The following PGK1 variants were observed in gnomAD, a reference collection of about 807,000 sequenced individuals.
The protein encoded by PGK1 is phosphoglycerate kinase 1.
A neutral mutation model predicts 26.9 loss-of-function variants in PGK1; 3 were observed. The observed-to-expected ratio is 0.11, with a 90% confidence interval of 0.05 to 0.29. PGK1 has a LOEUF of 0.29. Ranked by LOEUF, PGK1 falls within the 10% of genes least tolerant of loss-of-function variation. The pLI, the probability that PGK1 is intolerant of heterozygous loss-of-function variation, is 1.00. For missense variants in PGK1, 270 were observed against 314.7 expected (o/e 0.86, Z 1.07); for synonymous variants, 125 against 115.3 (o/e 1.08, Z -0.54).
chrX:78,110,511 A>G (rs1001146354), intron 2 of PGK1, among the ~76,000 whole-genome samples: 2 of 109,458 alleles, frequency 1.8e-5, no homozygotes, highest in African/African-American at 6.6e-5. Flanking sequence ...GGTGGCTCAC[A>G]TCTGTAATCC....
chrX:78,106,726 G>GT (rs2078274309), intron 1 of PGK1: 1 of 523,814 alleles, frequency 1.9e-6, no homozygotes. Flanking sequence ...TTCCATCTTA[G>GT]TTTTTTAGGA....
chrX:78,104,897 C>A (rs1308866304), intron 1 of PGK1, among the ~76,000 whole-genome samples: 1 of 111,325 alleles, frequency 9.0e-6, no homozygotes, highest in Non-Finnish European at 1.9e-5. Flanking sequence ...GATTTAACTT[C>A]AGGAGTAGAC....
At chrX:78,115,483 C>G (rs1379188240) in intron 4 of PGK1, among the ~76,000 whole-genome samples, 1 of 111,059 alleles carries the variant, frequency 9.0e-6, no homozygotes, top group Admixed American at 9.6e-5. Context: ...TGGTGAAACC[C>G]TGTTTCTACT....
chrX:78,115,424 G>A (rs964834848), intron 4 of PGK1, among the ~76,000 whole-genome samples: 2 of 111,193 alleles, frequency 1.8e-5, no homozygotes, highest in Non-Finnish European at 3.8e-5. Context: ...TTGGGAGGCC[G>A]AGGTGGGTGG....
At chrX:78,121,703 CT>C (rs1288575965) in intron 6 of PGK1, among the ~76,000 whole-genome samples, 2 of 112,241 alleles carry the variant, frequency 1.8e-5, no homozygotes, top group East Asian at 2.8e-4. Context: ...TAGTTTGGAT[CT>C]TTTTTGTCTC....
At chrX:78,111,984 G>A (rs1394826725) in intron 2 of PGK1, among the ~76,000 whole-genome samples, 2 of 111,790 alleles carry the variant, frequency 1.8e-5, no homozygotes, top group African/African-American at 6.5e-5. Flanking sequence ...TTGATATAAA[G>A]GAGTTCTTAT....
At position 78,127,598 on chromosome X, in the gene PGK1, A is replaced by G. The variant is rs189149929; in HGVS notation, c.*1768A>G. ...GGTTCCAGTGGCTGATGCTTTTCCA[A>G]TGTGCCTCCGTCCCTGACATGATGC... On this transcript the variant is annotated 3_prime_UTR_variant, in exon 11 of 11. Transcript: ENST00000373316. 4.5e-5 allele frequency: 5 copies of G among 111,790 alleles called. No individual in the cohort carries two copies. The highest frequency in any genetic ancestry group is 1.6e-4 in the African/African-American group (5 of 30,765). 9.2% of individuals were successfully genotyped at this position (111,790 alleles called of 1,213,427 possible).
intron 9 of PGK1, 93 bp downstream of exon 9, chrX:78,125,144 A>T (rs782701299): frequency 8.5e-5 from 72 of 849,680 alleles, no homozygotes; most frequent in Non-Finnish European, 1.2e-4. Flanking sequence ...ATGTCTCTTT[A>T]TTCTGGGTAA....
chrX:78,118,242 A>G (rs2078335978), intron 6 of PGK1, 72 bp downstream of exon 6: 14 of 1,053,723 alleles, frequency 1.3e-5, no homozygotes, highest in Non-Finnish European at 1.9e-5. Context: ...TGGGTGGTTT[A>G]TTGTCATATA....
Position 78,106,008 on chromosome X carries a change from C to A in PGK1, c.65+1603C>A, listed in dbSNP as rs782697730. On this transcript the variant is annotated intron_variant, in intron 1 of 10. Transcript: ENST00000373316. The stretch of plus-strand genomic sequence containing the variant: ...CCAGATGCATGGACCAACTAACAGA[C>A]AAGGAGTGGGACATTATGCTGATAA... Among the ~76,000 whole-genome samples, 12 of 112,348 alleles carry A rather than the reference C, an allele frequency of 1.1e-4. No individual in the cohort carries two copies. In the East Asian group the frequency reaches 2.8e-3, roughly 26 times the overall value.
At chrX:78,118,641 A>G (rs1384769127) in intron 6 of PGK1, among the ~76,000 whole-genome samples, 1 of 111,577 alleles carries the variant, frequency 9.0e-6, no homozygotes, top group Non-Finnish European at 1.9e-5. Context: ...AGGTGTGGGT[A>G]GGGTTCAGGG....
At chrX:78,112,339 AAAG>A (rs1160099919) in intron 2 of PGK1, among the ~76,000 whole-genome samples, 1 of 112,740 alleles carries the variant, frequency 8.9e-6, no homozygotes, top group Non-Finnish European at 1.9e-5. Context: ...GCCTGGCACA[AAAG>A]AAGCATTCAA....
At chrX:78,109,956 T>C (rs2078292031) in intron 2 of PGK1, 39 bp downstream of exon 2, 1 of 865,608 alleles carries the variant, frequency 1.2e-6, no homozygotes, top group Non-Finnish European at 1.7e-6. Context: ...GTTTAAGATG[T>C]GTGTAGGTAC....
At chrX:78,122,382 A>G (rs2078359575) in intron 6 of PGK1, among the ~76,000 whole-genome samples, 1 of 107,769 alleles carries the variant, frequency 9.3e-6, no homozygotes. Context: ...GTGCTTAGAT[A>G]CAATTAGCAA....
chrX:78,119,793 C>T (rs1253396502), intron 6 of PGK1, among the ~76,000 whole-genome samples: 1 of 111,862 alleles, frequency 8.9e-6, no homozygotes, highest in Non-Finnish European at 1.9e-5. Context: ...TCCAGCCATG[C>T]GGAACTGTGA....
chrX:78,104,311 C>T lies in PGK1; in HGVS notation c.-30C>T, dbSNP rs1159079304. ...GTCGGCTCCCTCGTTGACCGAATCA[C>T]CGACCTCTCTCCCCAGCTGTATTTC... On this transcript the variant is annotated 5_prime_UTR_variant, in exon 1 of 11. Transcript: ENST00000373316. The T allele has an allele frequency of 8.9e-6, 10 of 1,129,231 alleles. No individual in the cohort carries two copies. Among genetic ancestry groups the T allele is most frequent in the Non-Finnish European group, 1.2e-5 (10 of 822,245 alleles). 93.1% of individuals were successfully genotyped at this position (1,129,231 alleles called of 1,213,427 possible). A position where few individuals can be genotyped will look rare whatever the true frequency, so the allele number is the denominator to read the frequency against.
At position 78,109,882 on chromosome X, in the gene PGK1, T is replaced by A; in HGVS notation, c.81T>A (p.Val27=). The change falls in exon 2 of 11, where the codon GTT becomes GTA. Residue 27 remains valine, a synonymous_variant. Transcript: ENST00000373316. ...TCTTTTTTAGAGTCGACTTCAATGTTCCTATGAAGAACAACCAGATAACAA... is the reference window on the plus strand; with the variant it reads ...TCTTTTTTAGAGTCGACTTCAATGTACCTATGAAGAACAACCAGATAACAA... ...KRVVMRVDFN[V]PMKNNQITNN... The A allele has an allele frequency of 8.3e-7, 1 of 1,198,773 alleles. No homozygotes were observed. Among genetic ancestry groups the A allele is most frequent in the Non-Finnish European group, 1.1e-6 (1 of 883,672 alleles).
Position 78,104,377 on chromosome X carries a change from G to A in PGK1, c.37G>A (p.Asp13Asn), listed in dbSNP as rs1557245934. The A allele has an allele frequency of 8.3e-7, 1 of 1,206,019 alleles. No homozygotes were observed. ...LSNKLTLDKL[D>N]VKGKRVVMRV... Reference sequence around the variant, plus strand: ...TAACAAGCTGACGCTGGACAAGCTGGACGTTAAAGGGAAGCGGGTCGTTAT... The same window carrying A: ...TAACAAGCTGACGCTGGACAAGCTGAACGTTAAAGGGAAGCGGGTCGTTAT... Residue 13 changes from aspartate (D) to asparagine (N), a missense_variant, in exon 1 of 11, where the codon GAC becomes AAC. By Grantham distance (23) the Asp-to-Asn change is conservative. Transcript: ENST00000373316.
chrX:78,121,797 T>C (rs1418604376), intron 6 of PGK1, among the ~76,000 whole-genome samples: 2 of 112,424 alleles, frequency 1.8e-5, no homozygotes, highest in Non-Finnish European at 3.8e-5. Context: ...GATCTTTCTG[T>C]TGCCTTTGCC....
Sources: allele counts gnomAD v4.1 joint callset (sites outside exome capture counted in the v4.1 genomes callset), GRCh38; gene constraint gnomAD v4.1.1; transcripts MANE v1.5; gene names NCBI Gene and HGNC (gene_info 2026-07-23, HGNC 2026-07-21).